The following IRAK2 variants were observed in gnomAD, a reference collection of about 807,000 sequenced individuals.
The protein encoded by IRAK2 is interleukin 1 receptor associated kinase 2.
IRAK2 carries 57 observed loss-of-function variants against 72.0 expected under a neutral mutation model. That is an observed-to-expected ratio of 0.79 (90% CI 0.64 to 0.99). The LOEUF is 0.99. Among genes scored for constraint, IRAK2 ranks in the 50% least tolerant of loss-of-function variants. The probability of loss-of-function intolerance (pLI) is 0.00; values close to 1 mark genes in which losing one functional copy is unlikely to be tolerated. For synonymous variants in IRAK2, 293 were observed against 312.7 expected, an observed-to-expected ratio of 0.94 and a Z score of 0.67; for missense variants, 790 against 794.4, an observed-to-expected ratio of 0.99 and a Z score of 0.07.
chr3:10,194,763 G>A (rs1197541093), intron 2 of IRAK2, among the ~76,000 whole-genome samples: 3 of 152,204 alleles, frequency 2.0e-5, no homozygotes, highest in African/African-American at 4.8e-5. Flanking sequence ...TGGAGATGAG[G>A]GCGGTTCATG....
intron 2 of IRAK2, among the ~76,000 whole-genome samples, chr3:10,193,199 T>C (rs1033236930): frequency 2.6e-5 from 4 of 152,162 alleles, no homozygotes; most frequent in African/African-American, 9.7e-5. Flanking sequence ...TGGTGAACCA[T>C]GACAGGGGCA....
At chr3:10,210,082 G>C (rs1027775697) in intron 4 of IRAK2, among the ~76,000 whole-genome samples, 5 of 152,078 alleles carry the variant, frequency 3.3e-5, no homozygotes, top group African/African-American at 1.2e-4. Flanking sequence ...ACCATGCTCG[G>C]CTAATTTTTT....
At chr3:10,189,881 C>G (rs11465876) in intron 2 of IRAK2, among the ~76,000 whole-genome samples, 4,815 of 152,128 alleles carry the variant, frequency 0.032, 274 homozygotes, top group African/African-American at 0.11. Flanking sequence ...ATGCCTACAT[C>G]CAGACCCTGC....
chr3:10,165,061 C>T lies in IRAK2; in HGVS notation c.94+13C>T, dbSNP rs375575112. The T allele has an allele frequency of 2.7e-5, 44 of 1,604,226 alleles. No individual in the cohort carries two copies. In the African/African-American group the frequency reaches 5.2e-4, roughly 19 times the overall value. On this transcript the variant is annotated intron_variant, in intron 1 of 12. Transcript: ENST00000256458. ...TGGATGGAGTTCGGTGAGTGCGGCC[C>T]GGGGAGGGGAGGGGACCAGGGCGAC...
At chr3:10,223,650 G>T (rs1337340195) in intron 9 of IRAK2, among the ~76,000 whole-genome samples, 2 of 152,254 alleles carry the variant, frequency 1.3e-5, no homozygotes, top group South Asian at 2.1e-4. Context: ...CCAGAGAGGG[G>T]TATGCAGTGT....
intron 7 of IRAK2, 135 bp from the exon 8 acceptor site, chr3:10,219,542 TCTC>T (rs1697655811): frequency 1.6e-6 from 1 of 632,554 alleles, no homozygotes; most frequent in African/African-American, 1.8e-5. Flanking sequence ...ATGGTCTCGA[TCTC>T]CTGAACTAGT....
chr3:10,172,537 C>CA (rs71055803), intron 1 of IRAK2, among the ~76,000 whole-genome samples: 2,376 of 34,784 alleles, frequency 0.068, 252 homozygotes, highest in African/African-American at 0.093. Context: ...AACTCCGACT[C>CA]AAAAAAAAAA....
Position 10,239,331 on chromosome 3 carries a change from C to G in IRAK2, c.1765+292C>G, listed in dbSNP as rs570477615. Reference sequence around the variant, plus strand: ...TGTCTGAGCTCCTGTCCTCAGGGGACTGCATAGCTTCCCTGAGTCCTCCTC... The same window carrying G: ...TGTCTGAGCTCCTGTCCTCAGGGGAGTGCATAGCTTCCCTGAGTCCTCCTC... On this transcript the variant is annotated intron_variant, in intron 12 of 12. Transcript: ENST00000256458. 7.2e-5 allele frequency among the ~76,000 whole-genome samples: 11 copies of G among 152,318 alleles called. 1 individual carries two copies. The East Asian group carries it at 1.2e-3, about 16-fold the overall frequency.
chr3:10,221,188 C>T (rs181499440), intron 8 of IRAK2, among the ~76,000 whole-genome samples: 149 of 148,118 alleles, frequency 1.0e-3, no homozygotes, highest in Admixed American at 7.9e-3. Flanking sequence ...GTCAAGAGAT[C>T]GAGACCATCC....
chr3:10,211,805 C>T (rs544031753), intron 4 of IRAK2, among the ~76,000 whole-genome samples: 1 of 152,172 alleles, frequency 6.6e-6, no homozygotes, highest in African/African-American at 2.4e-5. Context: ...AGGCCGGGCG[C>T]GGTGGCTCGT....
chr3:10,238,725 C>G lies in IRAK2; in HGVS notation c.1474-23C>G, dbSNP rs758698646. ...TTTCAGAGAGAATTCCTGATGAGCT[C>G]CCTTCTCTCTCTTCTCCCAAAGGTG... On this transcript the variant is annotated intron_variant, in intron 11 of 12. Transcript: ENST00000256458. 21 of 1,607,348 alleles carry G rather than the reference C, an allele frequency of 1.3e-5. No homozygotes were observed. The Admixed American group carries it at 3.5e-4, about 27-fold the overall frequency.
chr3:10,179,743 T>C (rs530961791), intron 2 of IRAK2, among the ~76,000 whole-genome samples: 2 of 152,300 alleles, frequency 1.3e-5, no homozygotes, highest in East Asian at 3.9e-4. Context: ...CAACTTTTTG[T>C]AGTTTTAGTA....
At chr3:10,240,963 G>C (rs1366278477) in intron 12 of IRAK2, among the ~76,000 whole-genome samples, 1 of 151,854 alleles carries the variant, frequency 6.6e-6, no homozygotes, top group Non-Finnish European at 1.5e-5. Flanking sequence ...TCCTGCCATG[G>C]GGAGGGGAGA....
intron 2 of IRAK2, among the ~76,000 whole-genome samples, chr3:10,181,262 T>C (rs561441588): frequency 6.6e-6 from 1 of 152,134 alleles, no homozygotes; most frequent in African/African-American, 2.4e-5. Context: ...TCTCCTTACA[T>C]TCCCCCTGCG....
chr3:10,209,748 C>G, intron 4 of IRAK2, 56 bp downstream of exon 4: 1 of 1,125,164 alleles, frequency 8.9e-7, no homozygotes, highest in South Asian at 2.1e-5. Flanking sequence ...GTGTAGTTCC[C>G]TCTCAAAAAT....
chr3:10,180,922 T>C (rs1161768727), intron 2 of IRAK2, among the ~76,000 whole-genome samples: 1 of 151,872 alleles, frequency 6.6e-6, no homozygotes, highest in Non-Finnish European at 1.5e-5. Flanking sequence ...CAAGCAACTT[T>C]CCAGGCCCTC....
intron 2 of IRAK2, among the ~76,000 whole-genome samples, chr3:10,186,673 G>C (rs1046114216): frequency 1.3e-5 from 2 of 151,426 alleles, no homozygotes; most frequent in South Asian, 4.2e-4. Context: ...AGAAAGGTTA[G>C]TACCACAGTC....
rs772236316 is a variant in IRAK2, at chr3:10,219,719, A to C, written c.943A>C (p.Ile315Leu). The C allele has an allele frequency of 3.1e-6, 5 of 1,612,602 alleles. No individual in the cohort carries two copies. The African/African-American group carries it at 6.7e-5, about 22-fold the overall frequency. Residue 315 changes from isoleucine to leucine, a missense_variant, in exon 8 of 13, where the codon ATC (isoleucine) becomes CTC (leucine). Physicochemically the swap from Ile to Leu is conservative, Grantham distance 5. Transcript: ENST00000256458. ...CCTCCCCTGGCCCCAGCGTGTCAGC[A>C]TCTGCTCAGGGCTGCTCTGTGCCGT... is the stretch of plus-strand genomic sequence containing the variant. The part of the protein sequence containing the change: ...DPLPWPQRVS[I>L]CSGLLCAVEY...
intron 2 of IRAK2, among the ~76,000 whole-genome samples, chr3:10,178,633 AC>A (rs1394353152): frequency 6.6e-6 from 1 of 152,060 alleles, no homozygotes; most frequent in African/African-American, 2.4e-5. Flanking sequence ...AATTTAAAAA[AC>A]CCCAATAGCT....
Sources: allele counts gnomAD v4.1 joint callset (sites outside exome capture counted in the v4.1 genomes callset), GRCh38; gene constraint gnomAD v4.1.1; transcripts MANE v1.5; gene names NCBI Gene and HGNC (gene_info 2026-07-23, HGNC 2026-07-21).